LARP1B: variants seen among roughly 807,000 people sequenced by gnomAD.
LARP1B encodes la-related protein 1B.
In LARP1B, 76 loss-of-function variants were observed where a neutral mutation model predicts 114.2. The observed-to-expected ratio is 0.67, with a 90% CI of 0.55 to 0.81. The LOEUF (loss-of-function observed/expected upper bound fraction) is 0.81. LARP1B is among the 30% of genes least tolerant of loss of function. The probability of loss-of-function intolerance (pLI) is 0.00; values close to 1 mark genes in which losing one functional copy is unlikely to be tolerated. For missense variants in LARP1B, 1,014 were observed against 1,075.8 expected, an observed-to-expected ratio of 0.94 and a Z score of 0.80; for synonymous variants, 345 against 348.0, an observed-to-expected ratio of 0.99 and a Z score of 0.10.
At chr4:128,141,915 G>T (rs564657464) in intron 11 of LARP1B, among the ~76,000 whole-genome samples, 4 of 152,274 alleles carry the variant, frequency 2.6e-5, no homozygotes, top group Non-Finnish European at 5.9e-5. Context: ...CCTTACAAAT[G>T]AGGCAAGTCC....
intron 1 of LARP1B, among the ~76,000 whole-genome samples, chr4:128,066,270 G>A (rs1439890473): frequency 1.4e-5 from 2 of 140,704 alleles, no homozygotes; most frequent in Admixed American, 7.8e-5. Flanking sequence ...TCCGCCTCCC[G>A]GGTTCACACT....
At chr4:128,118,401 T>C (rs1786738667) in intron 10 of LARP1B, among the ~76,000 whole-genome samples, 1 of 151,240 alleles carries the variant, frequency 6.6e-6, no homozygotes, top group Non-Finnish European at 1.5e-5. Context: ...CCAGCTAATT[T>C]TTTTTTTTGT....
intron 7 of LARP1B, among the ~76,000 whole-genome samples, chr4:128,221,624 C>T (rs1448773572): frequency 1.3e-5 from 2 of 152,146 alleles, no homozygotes; most frequent in South Asian, 2.1e-4. Flanking sequence ...TTTTAAGATT[C>T]ATTAGACTTT....
In LARP1B at chr4:128,122,755, T is replaced by A. The variant is rs1442362611; in HGVS notation, c.1524+567T>A. On this transcript the variant is annotated intron_variant, in intron 11 of 19. Coordinates refer to ENST00000326639, the MANE Select transcript of LARP1B (RefSeq NM_018078.4). Reference sequence around the variant, plus strand: ...GTCATTACTGTGGTGCTAGGGTTACTTTTTACAATCTTGTTCTAATTTTTT... The same window carrying A: ...GTCATTACTGTGGTGCTAGGGTTACATTTTACAATCTTGTTCTAATTTTTT... 3.3e-6 allele frequency: 4 copies of A among 1,198,400 alleles called. No homozygotes were observed. The South Asian group carries it at 1.7e-4, about 50-fold the overall frequency. The allele number at this position is 1,198,400 out of a possible 1,614,324, so 74.2% of individuals were successfully genotyped here.
At chr4:128,123,874 T>C (rs1490665830) in intron 11 of LARP1B, 1 of 168,994 alleles carries the variant, frequency 5.9e-6, no homozygotes, top group South Asian at 1.9e-4. Flanking sequence ...TCTTGAGGCA[T>C]GTGCTGATCT....
intron 15 of LARP1B, among the ~76,000 whole-genome samples, chr4:128,183,347 T>C (rs1445505162): frequency 6.6e-6 from 1 of 152,206 alleles, no homozygotes; most frequent in East Asian, 1.9e-4. Flanking sequence ...TGACTTTAAG[T>C]TGAAGGCAAT....
chr4:128,202,712 T>A (rs555516333), intron 17 of LARP1B, among the ~76,000 whole-genome samples: 2 of 152,346 alleles, frequency 1.3e-5, no homozygotes, highest in East Asian at 3.9e-4. Context: ...ATGTTTCTAA[T>A]ACCTTTGTAA....
chr4:128,178,400 T>C, intron 13 of LARP1B, 31 bp from the exon 14 acceptor site: 7 of 1,474,118 alleles, frequency 4.7e-6, no homozygotes, highest in Non-Finnish European at 6.6e-6. Flanking sequence ...TCCTAGCATC[T>C]AAATAATTTT....
chr4:128,081,416 CTGT>C (rs1252476318), intron 4 of LARP1B, among the ~76,000 whole-genome samples: 1 of 133,360 alleles, frequency 7.5e-6, no homozygotes, highest in East Asian at 2.2e-4. Context: ...AGATATTGGA[CTGT>C]TAATTGTCAT....
downstream of LARP1B, among the ~76,000 whole-genome samples, chr4:128,212,800 G>T (rs1163542859): frequency 6.6e-6 from 1 of 151,810 alleles, no homozygotes. Flanking sequence ...CTCTAGGAAG[G>T]TTGCACAGTT....
At chr4:128,082,605 A>T (rs1053756570) in intron 5 of LARP1B, among the ~76,000 whole-genome samples, 7 of 148,680 alleles carry the variant, frequency 4.7e-5, no homozygotes, top group Admixed American at 1.3e-4. Context: ...ATTTAATTTA[A>T]TTTTTTTTTT....
At chr4:128,109,825 A>T (rs1783399537) in intron 9 of LARP1B, among the ~76,000 whole-genome samples, 1 of 151,594 alleles carries the variant, frequency 6.6e-6, no homozygotes, top group African/African-American at 2.4e-5. Flanking sequence ...CAGAACTGTG[A>T]TCCTCCCAAG....
At chr4:128,082,946 A>G (rs915243021) in intron 5 of LARP1B, among the ~76,000 whole-genome samples, 2 of 151,410 alleles carry the variant, frequency 1.3e-5, no homozygotes, top group Non-Finnish European at 3.0e-5. Context: ...TGGTTTTCCT[A>G]GGCAGAGGAC....
At chr4:128,189,253 T>G (rs777434063) in intron 15 of LARP1B, among the ~76,000 whole-genome samples, 4 of 132,000 alleles carry the variant, frequency 3.0e-5, no homozygotes, top group Non-Finnish European at 4.9e-5. Context: ...TACAGTGACC[T>G]TCCGTGTCCT....
chr4:128,219,815 A>G (rs1189909278), intron 6 of LARP1B, among the ~76,000 whole-genome samples: 1 of 151,712 alleles, frequency 6.6e-6, no homozygotes, highest in Non-Finnish European at 1.5e-5. Context: ...AAATAAATAA[A>G]TAAATAAATA....
intron 15 of LARP1B, among the ~76,000 whole-genome samples, chr4:128,188,577 T>G (rs1304374555): frequency 1.3e-5 from 2 of 152,222 alleles, no homozygotes; most frequent in African/African-American, 4.8e-5. Context: ...TTCTAGTTCT[T>G]TTAAGTACAT....
At chr4:128,109,703 CTTTCT>C (rs1042429432) in intron 9 of LARP1B, among the ~76,000 whole-genome samples, 10 of 150,288 alleles carry the variant, frequency 6.7e-5, no homozygotes, top group African/African-American at 1.7e-4. Flanking sequence ...TAGTGTTTTT[CTTTCT>C]TTTCTTTTTT....
chr4:128,197,017 A>G (rs2150856676), intron 15 of LARP1B, among the ~76,000 whole-genome samples: 1 of 152,286 alleles, frequency 6.6e-6, no homozygotes, highest in Admixed American at 6.5e-5. Context: ...CAGAAAGTAG[A>G]ATAGAGGTTA....
intron 17 of LARP1B, among the ~76,000 whole-genome samples, chr4:128,202,210 A>G (rs1578697905): frequency 6.6e-6 from 1 of 152,282 alleles, no homozygotes; most frequent in East Asian, 1.9e-4. Context: ...TATGACTTTA[A>G]TAGCTACTGC....
Sources: allele counts gnomAD v4.1 joint callset (sites outside exome capture counted in the v4.1 genomes callset), GRCh38; gene constraint gnomAD v4.1.1; transcripts MANE v1.5; gene names NCBI Gene and HGNC (gene_info 2026-07-23, HGNC 2026-07-21).